PPCS: variants seen among roughly 807,000 people sequenced by gnomAD.
PPCS encodes the protein phosphopantothenoylcysteine synthetase.
In PPCS, 17 loss-of-function variants were observed where a neutral mutation model predicts 24.6. That is an observed-to-expected ratio of 0.69 (90% CI 0.47 to 1.04). The LOEUF (loss-of-function observed/expected upper bound fraction) is 1.04, where lower values mean the gene tolerates loss of function less well. Among genes scored for constraint, PPCS ranks in the 50% least tolerant of loss-of-function variants. The pLI, the probability that PPCS is intolerant of heterozygous loss-of-function variation, is 0.00. For synonymous variants in PPCS, 190 were observed against 168.3 expected (o/e 1.13, Z -1.00); for missense variants, 360 against 402.8 (o/e 0.89, Z 0.91).
rs1459610399 is a variant in PPCS at position 42,460,985 on chromosome 1, C to T, written c.*1059C>T. Among the ~76,000 whole-genome samples, 1 of 152,228 alleles carries T rather than the reference C, an allele frequency of 6.6e-6. No individual in the cohort carries two copies. Among genetic ancestry groups the T allele is most frequent in the East Asian group, 1.9e-4 (1 of 5,192 alleles). Reference sequence around the variant, plus strand: ...TGAAAAACTTTCAATACTTCTCTTGCTGTCCTACGTTTTGGGTTTGGAGTG... The same window carrying T: ...TGAAAAACTTTCAATACTTCTCTTGTTGTCCTACGTTTTGGGTTTGGAGTG... On this transcript the variant is annotated 3_prime_UTR_variant, in exon 3 of 3. Coordinates refer to ENST00000372561, the MANE Select transcript of PPCS (RefSeq NM_024664.4).
chr1:42,457,429 C>A, intron 2 of PPCS, 79 bp downstream of exon 2: 1 of 1,228,620 alleles, frequency 8.1e-7, no homozygotes, highest in Non-Finnish European at 1.2e-6. Context: ...TGGAGATGGC[C>A]TTTCTGCATC....
At chr1:42,468,431 A>T (rs1330851327) in intron 2 of PPCS, among the ~76,000 whole-genome samples, 1 of 151,764 alleles carries the variant, frequency 6.6e-6, no homozygotes, top group Non-Finnish European at 1.5e-5. Context: ...CCTTAAGGAC[A>T]GTTTCTGGAA....
At chr1:42,470,469 C>A (rs1221115447) in intron 2 of PPCS, among the ~76,000 whole-genome samples, 1 of 152,072 alleles carries the variant, frequency 6.6e-6, no homozygotes, top group African/African-American at 2.4e-5. Context: ...TACGTATATA[C>A]CCCAAAGAAT....
intron 2 of PPCS, among the ~76,000 whole-genome samples, chr1:42,469,132 A>G (rs1643683313): frequency 6.6e-6 from 1 of 152,188 alleles, no homozygotes; most frequent in East Asian, 1.9e-4. Context: ...TAATCCCAGC[A>G]CTTTGAGAGG....
At chr1:42,457,887 G>A (rs920414446) in intron 2 of PPCS, among the ~76,000 whole-genome samples, 1 of 151,780 alleles carries the variant, frequency 6.6e-6, no homozygotes, top group Non-Finnish European at 1.5e-5. Flanking sequence ...ACCAGGAGGC[G>A]GAGGTTGCAG....
chr1:42,469,847 T>C (rs1425488140), intron 2 of PPCS, among the ~76,000 whole-genome samples: 1 of 152,098 alleles, frequency 6.6e-6, no homozygotes. Context: ...GATATTCAGT[T>C]TGATGGGAGA....
At chr1:42,457,148 G>C in intron 1 of PPCS, 75 bp downstream of exon 1, 3 of 1,591,232 alleles carry the variant, frequency 1.9e-6, no homozygotes, top group Non-Finnish European at 2.6e-6. Flanking sequence ...CTTACCTCCT[G>C]CTTACCCACG....
intron 2 of PPCS, among the ~76,000 whole-genome samples, chr1:42,467,091 A>C (rs1272411760): frequency 6.6e-6 from 1 of 152,226 alleles, no homozygotes; most frequent in African/African-American, 2.4e-5. Context: ...GATAGGGACC[A>C]ATAAGTATAC....
intron 1 of PPCS, 82 bp downstream of exon 1, chr1:42,457,155 C>T (rs1472354108): frequency 1.1e-5 from 18 of 1,594,004 alleles, no homozygotes; most frequent in Non-Finnish European, 1.5e-5. Flanking sequence ...CCTGCTTACC[C>T]ACGGATCTCA....
chr1:42,458,793 T>G (rs1304131147), intron 2 of PPCS, among the ~76,000 whole-genome samples: 1 of 152,222 alleles, frequency 6.6e-6, no homozygotes, highest in Non-Finnish European at 1.5e-5. Context: ...GGATTGGGGA[T>G]GAGGTACTAG....
chr1:42,465,266 G>A (rs545584630), downstream of PPCS, among the ~76,000 whole-genome samples: 5 of 152,224 alleles, frequency 3.3e-5, no homozygotes, highest in East Asian at 9.7e-4. Flanking sequence ...AGCTATGATC[G>A]CACCACTGCG....
intron 2 of PPCS, 100 bp downstream of exon 2, chr1:42,457,450 A>G: frequency 8.9e-6 from 9 of 1,007,342 alleles, no homozygotes; most frequent in Admixed American, 1.7e-5. Context: ...TGTATTCGCT[A>G]GGCACAGGGG....
Position 42,456,789 on chromosome 1 carries a change from C to G in PPCS, c.224C>G (p.Ala75Gly), listed in dbSNP as rs1226692462. 1 of 1,613,144 alleles carries G rather than the reference C, an allele frequency of 6.2e-7. No homozygotes were observed. Among genetic ancestry groups the G allele is most frequent in the South Asian group, 1.1e-5 (1 of 91,062 alleles). The change falls in exon 1 of 3, where the codon GCC (alanine) becomes GGC (glycine). Residue 75 changes from alanine (A) to glycine (G), a missense_variant. By Grantham distance (60) the Ala-to-Gly change is moderately conservative (BLOSUM62 0). Around this residue, in one of 2 missense-constraint regions of PPCS, gnomAD observed 244 missense variants for 234.7 expected, o/e 1.04. Transcript: ENST00000372561. ...RGATSAEAFLAAGYGVLFLYR... is the reference protein window; with the variant it reads ...RGATSAEAFLGAGYGVLFLYR... The stretch of plus-strand genomic sequence containing the variant: ...GCAACCTCGGCCGAGGCCTTCCTAG[C>G]CGCCGGCTACGGGGTCCTGTTCTTG...
chr1:42,464,603 G>A (rs190733570), downstream of PPCS, among the ~76,000 whole-genome samples: 2 of 152,190 alleles, frequency 1.3e-5, no homozygotes, highest in Admixed American at 6.5e-5. Context: ...AGACACAATT[G>A]TTCTAAAAAG....
Position 42,456,726 on chromosome 1 carries a change from T to C in PPCS, c.161T>C (p.Val54Ala). 1 of 1,609,640 alleles carries C rather than the reference T, an allele frequency of 6.2e-7. No individual in the cohort carries two copies. Among genetic ancestry groups the C allele is most frequent in the Non-Finnish European group, 8.5e-7 (1 of 1,179,228 alleles). Residue 54 changes from valine (V) to alanine (A), a missense_variant, in exon 1 of 3, where the codon GTG becomes GCG. By Grantham distance (64) the Val-to-Ala change is moderately conservative. This residue lies in a region of PPCS where 244 missense variants were observed against 234.7 expected (regional missense o/e 1.04). Coordinates refer to ENST00000372561, the MANE Select transcript of PPCS (RefSeq NM_024664.4). ...GTKVPLEARPVRFLDNFSSGR... is the reference protein window; with the variant it reads ...GTKVPLEARPARFLDNFSSGR... The stretch of plus-strand genomic sequence containing the variant: ...AAGGTCCCACTGGAAGCGCGGCCGG[T>C]GCGCTTCCTGGACAACTTCAGCAGC...
downstream of PPCS, among the ~76,000 whole-genome samples, chr1:42,463,155 AC>A (rs372237443): frequency 2.7e-4 from 41 of 151,896 alleles, no homozygotes; most frequent in Middle Eastern, 3.4e-3. Context: ...TCCGCCCCCG[AC>A]CCGAAGGCCA....
intron 2 of PPCS, among the ~76,000 whole-genome samples, chr1:42,467,996 T>C (rs1416537595): frequency 6.6e-6 from 1 of 152,200 alleles, no homozygotes; most frequent in East Asian, 1.9e-4. Context: ...GCAGGGAAGC[T>C]CAGAGACAGA....
intron 2 of PPCS, among the ~76,000 whole-genome samples, chr1:42,466,611 T>G (rs1191799112): frequency 5.9e-5 from 9 of 151,690 alleles, no homozygotes; most frequent in African/African-American, 2.2e-4. Flanking sequence ...GAGTGCAGTG[T>G]TGAGATCTCG....
intron 2 of PPCS, among the ~76,000 whole-genome samples, chr1:42,472,421 A>T (rs1643800841): frequency 6.6e-6 from 1 of 152,242 alleles, no homozygotes; most frequent in Admixed American, 6.5e-5. Flanking sequence ...TGCAGAAAAG[A>T]ACTGAATTAA....
Sources: gnomAD v4.1 joint callset for allele counts (sites outside exome capture counted in the v4.1 genomes callset) on GRCh38, gnomAD v4.1.1 for gene constraint, gnomAD v4.1.1 regional missense constraint, MANE v1.5 for transcripts, NCBI Gene and HGNC (gene_info 2026-07-23, HGNC 2026-07-21) for gene names.